ZNF106: variants seen among roughly 807,000 people sequenced by gnomAD.
The protein encoded by ZNF106 is zinc finger protein 106.
Under a neutral mutation model 195.1 loss-of-function variants are expected in ZNF106, and 67 were observed. That is an observed-to-expected ratio of 0.34 (90% CI 0.28 to 0.42). The LOEUF is 0.42. Ranked by LOEUF, ZNF106 falls within the 10% of genes least tolerant of loss-of-function variation. The probability of loss-of-function intolerance (pLI) is 1.00; values close to 1 mark genes in which losing one functional copy is unlikely to be tolerated. For missense variants in ZNF106, 2,118 were observed against 2,304.5 expected (o/e 0.92, Z 1.66); for synonymous variants, 784 against 818.6 (o/e 0.96, Z 0.72).
rs1239564541 is a variant in ZNF106, at chr15:42,450,131, G to A, written c.2141C>T (p.Thr714Ile). Residue 714 changes from threonine to isoleucine, a missense_variant, in exon 5 of 22, where the codon ACA (threonine) becomes ATA (isoleucine). Transcript: ENST00000564754. ...CAAGCTAGCACTCTCAAAGCCTTCT[G>A]TTTCATAAGATACATGAGATTTAAT... ...DSIKSHVSYE[T>I]EGFESASLDA... is the part of the protein sequence containing the mutation. 3 of 1,614,040 alleles carry A rather than the reference G, an allele frequency of 1.9e-6. No homozygotes were observed. The African/African-American group carries it at 4.0e-5, about 22-fold the overall frequency.
Position 42,479,875 on chromosome 15 carries a change from A to C in ZNF106, c.-32-7554T>G, listed in dbSNP as rs531894799. On this transcript the variant is annotated intron_variant, in intron 1 of 21. Transcript: ENST00000564754. ...AATAAATAAAAATAAATAAAGACAC[A>C]GTCCCACTCTGTCACCCAGGCTGGA... 4.6e-5 allele frequency among the ~76,000 whole-genome samples: 7 copies of C among 152,290 alleles called. No homozygotes were observed. The South Asian group carries it at 1.5e-3, about 32-fold the overall frequency.
chr15:42,490,464 A>G (rs1211658923), intron 1 of ZNF106: 1 of 152,224 alleles, frequency 6.6e-6, no homozygotes, highest in Non-Finnish European at 1.5e-5. Flanking sequence ...CCTCTCCACA[A>G]TTATACACCG....
rs1318363039 is a variant in ZNF106, at chr15:42,417,015, C to G, written c.*289G>C. On this transcript the variant is annotated 3_prime_UTR_variant, in exon 22 of 22. Transcript: ENST00000564754. ...GGTAACCAATTAGGATCTGTATCTT[C>G]AATAAACATCTGGAGAACGCAAATA... 1.4e-5 allele frequency: 4 copies of G among 282,678 alleles called. No individual in the cohort carries two copies. Among genetic ancestry groups the G allele is most frequent in the African/African-American group, 2.2e-5 (1 of 45,702 alleles). 17.5% of individuals were successfully genotyped at this position (282,678 alleles called of 1,614,324 possible). A position where few individuals can be genotyped will look rare whatever the true frequency, so the allele number is the denominator to read the frequency against.
intron 10 of ZNF106, among the ~76,000 whole-genome samples, chr15:42,440,396 ATAAAT>A (rs2055453460): frequency 6.6e-6 from 1 of 152,218 alleles, no homozygotes. Context: ...GATTCACCAC[ATAAAT>A]TATTGTTTAG....
intron 14 of ZNF106, among the ~76,000 whole-genome samples, chr15:42,429,523 A>G (rs537908472): frequency 5.9e-5 from 9 of 152,074 alleles, no homozygotes; most frequent in African/African-American, 1.9e-4. Context: ...AGATATTAAA[A>G]TCAAGATGGT....
Position 42,448,165 on chromosome 15 carries a change from G to A in ZNF106, c.3042C>T (p.Ser1014=). The part of the protein sequence containing the change: ...SSSASSALAI[S]SLADAATDSS... ...TATCTGTGGCTGCATCCGCTAAACTGGAGATCGCAAGGGCTGAGGATGCGC... is the reference window on the plus strand; with the variant it reads ...TATCTGTGGCTGCATCCGCTAAACTAGAGATCGCAAGGGCTGAGGATGCGC... Residue 1014 remains serine, a synonymous_variant, in exon 6 of 22, where the codon TCC becomes TCT. Transcript: ENST00000564754. 1.2e-6 allele frequency: 2 copies of A among 1,614,132 alleles called. No individual in the cohort carries two copies. Among genetic ancestry groups the A allele is most frequent in the South Asian group, 1.1e-5 (1 of 91,084 alleles).
At position 42,415,479 on chromosome 15, in the gene ZNF106, G is replaced by A. The variant is rs1265103574; in HGVS notation, c.*1825C>T. 3 of 454,416 alleles carry A rather than the reference G, an allele frequency of 6.6e-6. No individual in the cohort carries two copies. The highest frequency in any genetic ancestry group is 1.4e-4 in the East Asian group (2 of 14,334). 28.1% of individuals were successfully genotyped at this position (454,416 alleles called of 1,614,324 possible). On this transcript the variant is annotated 3_prime_UTR_variant, in exon 22 of 22. Coordinates refer to ENST00000564754, the MANE Select transcript of ZNF106 (RefSeq NM_001366845.3). The stretch of plus-strand genomic sequence containing the variant: ...AGTAAGAACCACTGGAGCCTTTCCT[G>A]GAAAAAAGAACACATACTCAGTCTC...
chr15:42,440,998 AATATATATATATATATATATAT>A (rs56924955), intron 10 of ZNF106, among the ~76,000 whole-genome samples: 20 of 23,584 alleles, frequency 8.5e-4, no homozygotes, highest in East Asian at 5.1e-3. Flanking sequence ...AAAAAAAAAA[AATATATATATATATATATATAT>A]ATATATATAT....
intron 1 of ZNF106, among the ~76,000 whole-genome samples, chr15:42,487,088 T>C (rs2057033679): frequency 1.3e-5 from 2 of 152,024 alleles, no homozygotes; most frequent in South Asian, 4.2e-4. Flanking sequence ...AGGCAGAGGT[T>C]GCAGTGAGCA....
Position 42,421,076 on chromosome 15 carries a change from CT to C in ZNF106, c.5501del (p.Gln1834ArgfsTer12). 1 of 1,614,136 alleles carries C rather than the reference CT, an allele frequency of 6.2e-7. No individual in the cohort carries two copies. Among genetic ancestry groups the C allele is most frequent in the Non-Finnish European group, 8.5e-7 (1 of 1,180,020 alleles). On this transcript the variant is annotated frameshift_variant, in exon 20 of 22. Transcript: ENST00000564754. LOFTEE classifies it high-confidence loss of function. Reference sequence around the variant, plus strand: ...CACTCCTTACCCAACAGCGGTAATTCTGCATCAGATTAAGCCTCACGGCCTG... The same window carrying C: ...CACTCCTTACCCAACAGCGGTAATTCGCATCAGATTAAGCCTCACGGCCTG... ...SIQAVRLNLM[Q>X]NYRCWWHGCS...
chr15:42,476,798 C>T lies in ZNF106; in HGVS notation c.-32-4477G>A, dbSNP rs530601552. ...AAAAATCTGTGTATAAGTGGACCTG[C>T]GAACCGCAAACCTGTGCGGTTCAAG... On this transcript the variant is annotated intron_variant, in intron 1 of 21. Coordinates refer to ENST00000564754, the MANE Select transcript of ZNF106 (RefSeq NM_001366845.3). Among the ~76,000 whole-genome samples, 6 of 152,164 alleles carry T rather than the reference C, an allele frequency of 3.9e-5. No homozygotes were observed. The South Asian group carries it at 1.0e-3, about 26-fold the overall frequency.
At chr15:42,449,161 A>T (rs938297612) in intron 5 of ZNF106, among the ~76,000 whole-genome samples, 1 of 152,224 alleles carries the variant, frequency 6.6e-6, no homozygotes, top group Non-Finnish European at 1.5e-5. Flanking sequence ...TGAAGCCTGG[A>T]GAACTGTATC....
At chr15:42,456,884 G>A in intron 4 of ZNF106, 74 bp downstream of exon 4, 1 of 1,398,414 alleles carries the variant, frequency 7.2e-7, no homozygotes, top group Non-Finnish European at 9.8e-7. Flanking sequence ...GGGCTGACCA[G>A]TACAAAGATA....
intron 2 of ZNF106, among the ~76,000 whole-genome samples, chr15:42,466,612 A>G (rs545496768): frequency 1.9e-4 from 29 of 152,342 alleles, no homozygotes; most frequent in African/African-American, 6.7e-4. Context: ...TGGATACATC[A>G]ATTCTAGATA....
chr15:42,435,198 C>T (rs2055227056), intron 14 of ZNF106, among the ~76,000 whole-genome samples, 186 bp downstream of exon 14: 1 of 152,124 alleles, frequency 6.6e-6, no homozygotes, highest in African/African-American at 2.4e-5. Flanking sequence ...TGGAGAGAGA[C>T]AGAAAATATG....
chr15:42,419,923 C>T (rs370918125), intron 20 of ZNF106, among the ~76,000 whole-genome samples: 2 of 152,182 alleles, frequency 1.3e-5, no homozygotes, highest in South Asian at 2.1e-4. Context: ...GCACTCCAGC[C>T]TGGGCAACAG....
Position 42,422,636 on chromosome 15 carries a change from A to C in ZNF106, c.5254-16T>G. On this transcript the variant is annotated splice_polypyrimidine_tract_variant and intron_variant, in intron 17 of 21. Transcript: ENST00000564754. ...GCTCACCAGTCTATGTCAGAAGAGAAGTAAGAGTCACCAGACTGACTTTCG... is the reference window on the plus strand; with the variant it reads ...GCTCACCAGTCTATGTCAGAAGAGACGTAAGAGTCACCAGACTGACTTTCG... 6.3e-7 allele frequency: 1 copy of C among 1,592,536 alleles called. No homozygotes were observed. Among genetic ancestry groups the C allele is most frequent in the Non-Finnish European group, 8.5e-7 (1 of 1,171,864 alleles).
chr15:42,433,100 T>TTATA (rs1441410689), intron 14 of ZNF106, among the ~76,000 whole-genome samples: 1 of 152,090 alleles, frequency 6.6e-6, no homozygotes, highest in Non-Finnish European at 1.5e-5. Context: ...TTAAGTATAT[T>TTATA]TTTATTTATT....
intron 7 of ZNF106, among the ~76,000 whole-genome samples, 185 bp from the exon 8 acceptor site, chr15:42,445,166 A>G (rs537906395): frequency 1.3e-5 from 2 of 152,358 alleles, no homozygotes; most frequent in African/African-American, 4.8e-5. Context: ...AAAAGTGAGA[A>G]CTGCTAAGAT....
Sources: gnomAD v4.1 joint callset for allele counts (sites outside exome capture counted in the v4.1 genomes callset) on GRCh38, gnomAD v4.1.1 for gene constraint, MANE v1.5 for transcripts, NCBI Gene and HGNC (gene_info 2026-07-23, HGNC 2026-07-21) for gene names.